CAPN5: variants seen among roughly 807,000 people sequenced by gnomAD.
The protein encoded by CAPN5 is calpain 5, also known as calpain-5.
In CAPN5, 54 loss-of-function variants were observed where a neutral mutation model predicts 73.0. The observed-to-expected ratio is 0.74, with a 90% CI of 0.59 to 0.93. The LOEUF is 0.93. Among genes scored for constraint, CAPN5 ranks in the 40% least tolerant of loss-of-function variants. The pLI, the probability that CAPN5 is intolerant of heterozygous loss-of-function variation, is 0.00. For synonymous variants in CAPN5, 335 were observed against 356.9 expected (o/e 0.94, Z 0.69); for missense variants, 785 against 882.9 (o/e 0.89, Z 1.41).
chr11:77,083,438 C>A (rs1235975370), intron 1 of CAPN5, among the ~76,000 whole-genome samples: 1 of 152,218 alleles, frequency 6.6e-6, no homozygotes, highest in Non-Finnish European at 1.5e-5. Context: ...GTCATACAGC[C>A]AAGGCGGTGG....
chr11:77,109,140 G>A (rs782625758), intron 3 of CAPN5, among the ~76,000 whole-genome samples: 2 of 152,128 alleles, frequency 1.3e-5, no homozygotes, highest in Admixed American at 6.5e-5. Context: ...TACTTCATTC[G>A]GGGGCACATC....
intron 12 of CAPN5, 42 bp from the exon 13 acceptor site, chr11:77,123,646 G>A: frequency 1.3e-6 from 2 of 1,547,074 alleles, no homozygotes; most frequent in Non-Finnish European, 1.8e-6. Context: ...TGCTGGTCTT[G>A]GAGGTAGCCC....
intron 2 of CAPN5, among the ~76,000 whole-genome samples, chr11:77,090,402 G>C (rs904939108): frequency 2.6e-5 from 4 of 152,234 alleles, no homozygotes; most frequent in Non-Finnish European, 5.9e-5. Flanking sequence ...TCTGGGGCCA[G>C]AGCCCTGATC....
chr11:77,072,013 C>G (rs1440071019), intron 1 of CAPN5, among the ~76,000 whole-genome samples: 2 of 152,214 alleles, frequency 1.3e-5, no homozygotes, highest in African/African-American at 4.8e-5. Flanking sequence ...CAGGGGCCTG[C>G]CTATAGCCTG....
rs150580444 is a variant in CAPN5 at position 77,075,024 on chromosome 11, G to A, written c.-36+7930G>A. On this transcript the variant is annotated intron_variant, in intron 1 of 12. Coordinates refer to ENST00000648180, the MANE Select transcript of CAPN5 (RefSeq NM_004055.5). ...GTTTAGTCTTGTCCTTTTCTAGTCC[G>A]TTTCCCATGTGGCAGCCACATGGGG... is the stretch of plus-strand genomic sequence containing the variant. 2.2e-3 allele frequency among the ~76,000 whole-genome samples: 338 copies of A among 152,270 alleles called. 4 individuals carry two copies. The highest frequency in any genetic ancestry group is 7.5e-3 in the African/African-American group (312 of 41,564).
intron 2 of CAPN5, among the ~76,000 whole-genome samples, chr11:77,087,424 C>T (rs1364123459): frequency 6.6e-6 from 1 of 152,208 alleles, no homozygotes; most frequent in African/African-American, 2.4e-5. Context: ...AGTCGTGCTG[C>T]ATGCCCGTCC....
At chr11:77,117,530 G>A (rs1950481024) in intron 7 of CAPN5, among the ~76,000 whole-genome samples, 1 of 152,210 alleles carries the variant, frequency 6.6e-6, no homozygotes, top group Admixed American at 6.5e-5. Flanking sequence ...TCTTGCTCAG[G>A]AGTCAGCAGA....
intron 2 of CAPN5, among the ~76,000 whole-genome samples, chr11:77,089,853 G>A (rs979775496): frequency 3.3e-5 from 5 of 152,098 alleles, no homozygotes; most frequent in Admixed American, 6.6e-5. Context: ...CAGCCTGGGC[G>A]ACAGGGCAAG....
At chr11:77,119,238 A>G in intron 9 of CAPN5, 86 bp downstream of exon 9, 2 of 1,447,944 alleles carry the variant, frequency 1.4e-6, no homozygotes, top group Non-Finnish European at 1.9e-6. Context: ...AGAACGCTCT[A>G]GAACACCTTG....
chr11:77,115,328 G>C, intron 5 of CAPN5, 67 bp from the exon 6 acceptor site: 1 of 1,367,898 alleles, frequency 7.3e-7, no homozygotes, highest in Non-Finnish European at 1.0e-6. Flanking sequence ...TAGCCCTCCA[G>C]CACCTGAGTC....
intron 3 of CAPN5, among the ~76,000 whole-genome samples, chr11:77,108,992 CTG>C (rs562249410): frequency 2.0e-5 from 3 of 152,262 alleles, no homozygotes; most frequent in South Asian, 4.1e-4. Flanking sequence ...GTTTTGTTGA[CTG>C]TGTCTTTTTG....
At chr11:77,106,760 TG>T (rs1382713797) in intron 3 of CAPN5, among the ~76,000 whole-genome samples, 2 of 151,988 alleles carry the variant, frequency 1.3e-5, no homozygotes, top group African/African-American at 4.8e-5. Flanking sequence ...TATCCGTGGG[TG>T]GGGGTACAGG....
At chr11:77,076,900 T>A (rs1260730279) in intron 1 of CAPN5, among the ~76,000 whole-genome samples, 1 of 152,202 alleles carries the variant, frequency 6.6e-6, no homozygotes, top group Non-Finnish European at 1.5e-5. Context: ...GATTGCTGGA[T>A]CATATGGTAG....
At chr11:77,093,933 G>T (rs941294548) in intron 3 of CAPN5, 120 bp downstream of exon 3, 5 of 1,424,224 alleles carry the variant, frequency 3.5e-6, no homozygotes, top group Non-Finnish European at 4.7e-6. Flanking sequence ...CTGTGCCAGG[G>T]ATGGGGTGGG....
chr11:77,090,000 T>C (rs567890104), intron 2 of CAPN5, among the ~76,000 whole-genome samples: 2 of 152,186 alleles, frequency 1.3e-5, no homozygotes. Flanking sequence ...TGACTTAACC[T>C]TTCTGTGCCT....
chr11:77,098,555 A>G (rs1591129176), intron 3 of CAPN5, among the ~76,000 whole-genome samples: 2 of 39,576 alleles, frequency 5.1e-5, no homozygotes, highest in African/African-American at 1.3e-4. Flanking sequence ...CGGGGGGCTG[A>G]CCCCCCCACC....
chr11:77,077,984 G>A (rs1555034133), intron 1 of CAPN5, among the ~76,000 whole-genome samples: 1 of 152,166 alleles, frequency 6.6e-6, no homozygotes, highest in African/African-American at 2.4e-5. Context: ...CAGATGGCTA[G>A]TTTGCAAACA....
At chr11:77,067,823 C>T (rs963872028) in intron 1 of CAPN5, among the ~76,000 whole-genome samples, 7 of 152,010 alleles carry the variant, frequency 4.6e-5, no homozygotes, top group Non-Finnish European at 8.8e-5. Flanking sequence ...ACAGGTGCGA[C>T]GTTCTCTCTC....
At chr11:77,110,640 G>A (rs1178897413) in intron 3 of CAPN5, among the ~76,000 whole-genome samples, 3 of 152,226 alleles carry the variant, frequency 2.0e-5, no homozygotes, top group African/African-American at 7.2e-5. Context: ...GGGTGCTAGT[G>A]TGAGCAGCCT....
Sources: allele counts gnomAD v4.1 joint callset (sites outside exome capture counted in the v4.1 genomes callset), GRCh38; gene constraint gnomAD v4.1.1; transcripts MANE v1.5; gene names NCBI Gene and HGNC (gene_info 2026-07-23, HGNC 2026-07-21).